Variants in SUPT3H observed in about 807,000 individuals in gnomAD.
SUPT3H encodes transcription initiation protein SPT3 homolog.
A neutral mutation model predicts 44.3 loss-of-function variants in SUPT3H; 44 were observed. The ratio of observed to expected loss-of-function variants is 0.99; its 90% confidence interval spans 0.78 to 1.28. The LOEUF (loss-of-function observed/expected upper bound fraction) is 1.28, where lower values mean the gene tolerates loss of function less well. Ranked by LOEUF, SUPT3H falls within the 50% of genes most tolerant of loss-of-function variation. The pLI is 0.00. For missense variants in SUPT3H, 380 were observed against 387.1 expected, an observed-to-expected ratio of 0.98 and a Z score of 0.15; for synonymous variants, 124 against 125.6, an observed-to-expected ratio of 0.99 and a Z score of 0.09.
chr6:45,196,350 C>T (rs925592363), intron 2 of SUPT3H, among the ~76,000 whole-genome samples: 9 of 151,902 alleles, frequency 5.9e-5, no homozygotes, highest in Non-Finnish European at 8.8e-5. Context: ...AGCAAATGCA[C>T]GCTTCAGCAC....
chr6:45,019,257 G>C (rs1784762883), intron 4 of SUPT3H, among the ~76,000 whole-genome samples: 1 of 151,618 alleles, frequency 6.6e-6, no homozygotes, highest in Admixed American at 6.6e-5. Context: ...TATTAGTCTT[G>C]CTAGCGGTCT....
intron 3 of SUPT3H, among the ~76,000 whole-genome samples, chr6:45,077,558 T>C (rs1053175820): frequency 8.1e-5 from 11 of 135,660 alleles, no homozygotes; most frequent in Non-Finnish European, 1.2e-4. Flanking sequence ...GCCCAGGAGA[T>C]TGAAGCTGCA....
chr6:45,271,371 A>T (rs1455148403), intron 2 of SUPT3H, among the ~76,000 whole-genome samples: 7 of 152,292 alleles, frequency 4.6e-5, no homozygotes, highest in South Asian at 2.1e-4. Flanking sequence ...CGGTGTGTGC[A>T]GTCTAGGGAC....
intron 2 of SUPT3H, chr6:45,321,799 C>A (rs775387244): frequency 4.4e-6 from 7 of 1,601,612 alleles, no homozygotes; most frequent in South Asian, 2.2e-5. Context: ...TACTTACCTG[C>A]CAGAATCATT....
At chr6:45,336,004 T>C (rs1302698487) in intron 2 of SUPT3H, among the ~76,000 whole-genome samples, 1 of 151,228 alleles carries the variant, frequency 6.6e-6, no homozygotes, top group African/African-American at 2.4e-5. Flanking sequence ...TCTAAAGAAA[T>C]GGAAATATAC....
At chr6:44,979,207 A>G (rs1323739703) in intron 6 of SUPT3H, among the ~76,000 whole-genome samples, 5 of 152,192 alleles carry the variant, frequency 3.3e-5, no homozygotes, top group Admixed American at 2.6e-4. Context: ...TCTGTAGCAC[A>G]GTATTTTAAT....
chr6:45,113,945 T>C (rs1013313213), intron 2 of SUPT3H, among the ~76,000 whole-genome samples: 19 of 152,158 alleles, frequency 1.2e-4, no homozygotes, highest in African/African-American at 4.1e-4. Context: ...CCCCTTCTGA[T>C]AGTAAACATT....
At chr6:44,965,089 C>T (rs551537060) in intron 6 of SUPT3H, among the ~76,000 whole-genome samples, 2 of 152,092 alleles carry the variant, frequency 1.3e-5, no homozygotes, top group African/African-American at 2.4e-5. Flanking sequence ...CATGTAGCTC[C>T]TACAATTAAC....
At chr6:45,172,443 T>C (rs1810971554) in intron 2 of SUPT3H, among the ~76,000 whole-genome samples, 1 of 152,038 alleles carries the variant, frequency 6.6e-6, no homozygotes, top group Non-Finnish European at 1.5e-5. Context: ...ATCCTGACCA[T>C]CTCAGAGCGT....
In SUPT3H at chr6:45,269,602, A is replaced by T. The variant is rs553928003; in HGVS notation, c.101+95599T>A. On this transcript the variant is annotated intron_variant, in intron 2 of 10. Coordinates refer to ENST00000371459, the MANE Select transcript of SUPT3H (RefSeq NM_003599.4). ...AGGAAAGACAATTCCCTCTACAGAG[A>T]TCCCTTCCACAGTCTGACAGGTAAA... Among the ~76,000 whole-genome samples, 5 of 152,264 alleles carry T rather than the reference A, an allele frequency of 3.3e-5. No homozygotes were observed. In the East Asian group the frequency reaches 9.6e-4, roughly 29 times the overall value.
chr6:44,970,463 C>T (rs571318202), intron 6 of SUPT3H, among the ~76,000 whole-genome samples: 3 of 152,126 alleles, frequency 2.0e-5, no homozygotes, highest in South Asian at 4.1e-4. Context: ...TGGAATAACT[C>T]GGTTGGCAAA....
chr6:45,081,375 A>G (rs908505098), intron 3 of SUPT3H, among the ~76,000 whole-genome samples: 1 of 152,020 alleles, frequency 6.6e-6, no homozygotes, highest in African/African-American at 2.4e-5. Context: ...CTCATGTATC[A>G]TCTTCTCTGA....
chr6:45,375,128 A>G (rs1350080168), intron 1 of SUPT3H, among the ~76,000 whole-genome samples: 1 of 152,134 alleles, frequency 6.6e-6, no homozygotes, highest in Non-Finnish European at 1.5e-5. Flanking sequence ...AATCGCTTGA[A>G]CCCAGGAGGG....
intron 9 of SUPT3H, among the ~76,000 whole-genome samples, chr6:44,944,595 CA>C (rs541595114): frequency 1.6e-3 from 233 of 147,674 alleles, no homozygotes; most frequent in Middle Eastern, 3.4e-3. Flanking sequence ...CCTGTCTCTA[CA>C]AAAAAAAATA....
chr6:45,286,684 C>G (rs1360131103), intron 2 of SUPT3H, among the ~76,000 whole-genome samples: 1 of 152,108 alleles, frequency 6.6e-6, no homozygotes, highest in Admixed American at 6.5e-5. Context: ...GTCAGTGTGG[C>G]GATTCCTCAG....
chr6:45,239,767 A>C (rs1473296496), intron 2 of SUPT3H, among the ~76,000 whole-genome samples: 2 of 152,234 alleles, frequency 1.3e-5, no homozygotes, highest in Non-Finnish European at 2.9e-5. Context: ...TCTATACGGA[A>C]TATTAAACAC....
At chr6:45,042,310 C>T (rs1263048294) in intron 3 of SUPT3H, among the ~76,000 whole-genome samples, 2 of 152,112 alleles carry the variant, frequency 1.3e-5, no homozygotes, top group Non-Finnish European at 2.9e-5. Context: ...GTAATCCCAG[C>T]TACTTGGGAG....
Position 45,294,733 on chromosome 6 carries a change from C to CAAA in SUPT3H, c.101+70465_101+70467dup, listed in dbSNP as rs56281990. On this transcript the variant is annotated intron_variant, in intron 2 of 10. Transcript: ENST00000371459. ...GAATCAACCCCTTTTACAATAGCTGCAAAAAAAAAAAAAAAAAAAAAAAAA... is the reference window on the plus strand; with the variant it reads ...GAATCAACCCCTTTTACAATAGCTGCAAAAAAAAAAAAAAAAAAAAAAAAAAAA... 9.9e-4 allele frequency among the ~76,000 whole-genome samples: 36 copies of CAAA among 36,202 alleles called. 1 individual carries two copies. Among genetic ancestry groups the CAAA allele is most frequent in the African/African-American group, 2.3e-3 (18 of 7,848 alleles). The allele number at this position is 36,202 out of a possible 152,430, so 23.7% of individuals were successfully genotyped here.
intron 2 of SUPT3H, among the ~76,000 whole-genome samples, chr6:45,256,576 C>A (rs1663964441): frequency 6.6e-6 from 1 of 151,972 alleles, no homozygotes; most frequent in African/African-American, 2.4e-5. Context: ...GCACTCTCCA[C>A]CCCCCACCCT....
Sources: allele counts gnomAD v4.1 joint callset (sites outside exome capture counted in the v4.1 genomes callset), GRCh38; gene constraint gnomAD v4.1.1; transcripts MANE v1.5; gene names NCBI Gene and HGNC (gene_info 2026-07-23, HGNC 2026-07-21).